CD209: variants seen among roughly 807,000 people sequenced by gnomAD.
CD209 encodes CD209 molecule.
A neutral mutation model predicts 44.7 loss-of-function variants in CD209; 31 were observed. The observed-to-expected ratio is 0.69, with a 90% CI of 0.52 to 0.94. The LOEUF is 0.94. Among genes scored for constraint, CD209 ranks in the 40% least tolerant of loss-of-function variants. The pLI is 0.00. For missense variants in CD209, 407 were observed against 452.4 expected, an observed-to-expected ratio of 0.90 and a Z score of 0.91; for synonymous variants, 173 against 181.3, an observed-to-expected ratio of 0.95 and a Z score of 0.37.
intron 4 of CD209, 150 bp from the exon 5 acceptor site, chr19:7,745,242 C>T: frequency 8.3e-7 from 1 of 1,198,650 alleles, no homozygotes; most frequent in African/African-American, 1.5e-5. Flanking sequence ...GAGACCCTCC[C>T]CCATCCCCAT....
Position 7,744,129 on chromosome 19 carries a change from C to G in CD209, c.991G>C (p.Asp331His), listed in dbSNP as rs774319424. ...LNQEGTWQWV[D>H]GSPLLPSFKQ... ...TACCTGGGCAACAGAGGTGAGCCGT[C>G]CACCCATTGCCACGTGCCTTCCTGA... is the stretch of plus-strand genomic sequence containing the variant. The change falls in exon 6 of 7, where the codon GAC (aspartate) becomes CAC (histidine). Residue 331 changes from aspartate (D) to histidine (H), a missense_variant. Physicochemically the swap from Asp to His is moderately conservative, Grantham distance 81. Transcript: ENST00000315599. 1.1e-5 allele frequency: 18 copies of G among 1,613,928 alleles called. No individual in the cohort carries two copies. The highest frequency in any genetic ancestry group is 1.4e-5 in the Non-Finnish European group (17 of 1,179,882).
chr19:7,746,570 A>C (rs772535109), intron 2 of CD209, 39 bp from the exon 3 acceptor site: 2 of 1,599,880 alleles, frequency 1.3e-6, no homozygotes, highest in African/African-American at 2.7e-5. Flanking sequence ...CAGTGTCCCC[A>C]CCGGAGCCTG....
rs1032116647 is a variant in CD209 at position 7,740,526 on chromosome 19, A to G, written c.*2513T>C. On this transcript the variant is annotated 3_prime_UTR_variant, in exon 7 of 7. Transcript: ENST00000315599. ...CAAAAAGTACAGGGCCGCCCTGAAG[A>G]AGGAGAAACGAAAGAAACGCCAGCA... The G allele has an allele frequency of 8.6e-7, 1 of 1,157,434 alleles. No homozygotes were observed. The highest frequency in any genetic ancestry group is 1.7e-5 in the Admixed American group (1 of 58,870). 71.7% of individuals were successfully genotyped at this position (1,157,434 alleles called of 1,614,324 possible). A position where few individuals can be genotyped will look rare whatever the true frequency, so the allele number is the denominator to read the frequency against.
Position 7,741,934 on chromosome 19 carries a change from G to T in CD209, c.*1105C>A. The T allele has an allele frequency of 2.4e-6, 1 of 414,804 alleles. No homozygotes were observed. The highest frequency in any genetic ancestry group is 4.8e-6 in the Non-Finnish European group (1 of 210,308). 25.7% of individuals were successfully genotyped at this position (414,804 alleles called of 1,614,324 possible). On this transcript the variant is annotated 3_prime_UTR_variant, in exon 7 of 7. Coordinates refer to ENST00000315599, the MANE Select transcript of CD209 (RefSeq NM_021155.4). ...ATGGGGAATCCGAAAGGAAAAGGAA[G>T]AAATCTCACTAGCACATGTCAAAGA... is the stretch of plus-strand genomic sequence containing the variant.
In CD209 at chr19:7,743,227, A is replaced by C. The variant is rs776327212; in HGVS notation, c.1027T>G (p.Trp343Gly). ...ACGTTGTTGGGCTCTCCTCTGTTCC[A>C]ATACTGCTTGAAGCTGCAAAGCCCA... ...SPLLPSFKQYWNRGEPNNVGE... is the reference protein window; with the variant it reads ...SPLLPSFKQYGNRGEPNNVGE... The change falls in exon 7 of 7, where the codon TGG becomes GGG. Residue 343 changes from tryptophan to glycine, a missense_variant. This residue lies in a region of CD209 where 200 missense variants were observed against 202.2 expected (regional missense o/e 0.99). Coordinates refer to ENST00000315599, the MANE Select transcript of CD209 (RefSeq NM_021155.4). 1 of 1,614,072 alleles carries C rather than the reference A, an allele frequency of 6.2e-7. No individual in the cohort carries two copies. The highest frequency in any genetic ancestry group is 8.5e-7 in the Non-Finnish European group (1 of 1,179,932).
At chr19:7,743,337 C>A (rs187192438) in intron 6 of CD209, 97 bp from the exon 7 acceptor site, 4 of 1,048,850 alleles carry the variant, frequency 3.8e-6, no homozygotes, top group African/African-American at 3.1e-5. Flanking sequence ...ATCTGCCCTG[C>A]GTGTGTATGC....
intron 5 of CD209, 119 bp downstream of exon 5, chr19:7,744,819 TCTC>T: frequency 1.5e-6 from 2 of 1,356,602 alleles, no homozygotes; most frequent in Non-Finnish European, 2.0e-6. Context: ...TTCATATCCT[TCTC>T]CTCCCTTCTT....
rs555971875 is a variant in CD209, at chr19:7,744,086, G to A, written c.1013+21C>T. ...TCACAATTCCAGCCCCAGTGGATAG[G>A]GTGCCCCTTCTGAGATCTACCTGGG... On this transcript the variant is annotated intron_variant, in intron 6 of 6. Transcript: ENST00000315599. The A allele has an allele frequency of 1.7e-4, 266 of 1,566,798 alleles. 2 individuals carry two copies. In the South Asian group the frequency reaches 2.8e-3, roughly 17 times the overall value.
chr19:7,743,064 G>C lies in CD209; in HGVS notation c.1190C>G (p.Ala397Gly). 6.2e-7 allele frequency: 1 copy of C among 1,613,640 alleles called. No individual in the cohort carries two copies. The highest frequency in any genetic ancestry group is 2.2e-5 in the East Asian group (1 of 44,876). ...CTACGCAGGAGGGGGGTTTGGGGTG[G>C]CAGGGGCTGGAGAAAGAAACTGTTC... ...DEEQFLSPAP[A>G]TPNPPPA The change falls in exon 7 of 7, where the codon GCC becomes GGC. Residue 397 changes from alanine (A) to glycine (G), a missense_variant. Around this residue, in one of 3 missense-constraint regions of CD209, gnomAD observed 200 missense variants for 202.2 expected, o/e 0.99. Coordinates refer to ENST00000315599, the MANE Select transcript of CD209 (RefSeq NM_021155.4).
chr19:7,741,954 C>A lies in CD209; in HGVS notation c.*1085G>T. 1 of 368,294 alleles carries A rather than the reference C, an allele frequency of 2.7e-6. No homozygotes were observed. Among genetic ancestry groups the A allele is most frequent in the South Asian group, 2.5e-5 (1 of 40,570 alleles). The allele number at this position is 368,294 out of a possible 1,614,324, so 22.8% of individuals were successfully genotyped here. Reference sequence around the variant, plus strand: ...AGGAAGAAATCTCACTAGCACATGTCAAAGAGCCAGGAGAGGCACAATTCA... The same window carrying A: ...AGGAAGAAATCTCACTAGCACATGTAAAAGAGCCAGGAGAGGCACAATTCA... On this transcript the variant is annotated 3_prime_UTR_variant, in exon 7 of 7. Transcript: ENST00000315599.
intron 6 of CD209, 64 bp downstream of exon 6, chr19:7,744,043 A>G: frequency 7.5e-7 from 1 of 1,332,938 alleles, no homozygotes; most frequent in Non-Finnish European, 1.1e-6. Context: ...ATCCCCAGGG[A>G]AAGTTCAAAT....
At chr19:7,746,242 G>T in intron 3 of CD209, 155 bp from the exon 4 acceptor site, 1 of 1,234,080 alleles carries the variant, frequency 8.1e-7, no homozygotes, top group Non-Finnish European at 1.1e-6. Context: ...AGGCAGCACA[G>T]AAGGCCAAGG....
At position 7,746,454 on chromosome 19, in the gene CD209, C is replaced by A; in HGVS notation, c.178+6G>T. The A allele has an allele frequency of 1.2e-6, 2 of 1,613,836 alleles. No homozygotes were observed. Among genetic ancestry groups the A allele is most frequent in the East Asian group, 2.2e-5 (1 of 44,880 alleles). ...GGACCCCAGACCCTCAGAACCTGCC[C>A]CTGACCTTGGACAAGGAGCCCAGCC... is the stretch of plus-strand genomic sequence containing the variant. On this transcript the variant is annotated splice_donor_region_variant and intron_variant, in intron 3 of 6. Coordinates refer to ENST00000315599, the MANE Select transcript of CD209 (RefSeq NM_021155.4).
Position 7,740,713 on chromosome 19 carries a change from A to G in CD209, c.*2326T>C, listed in dbSNP as rs2033582820. ...GCACAAGAAGAATTCAGAATAAAGA[A>G]GGAAAAGGAAGAGGTGGCTAGAAAA... On this transcript the variant is annotated 3_prime_UTR_variant, in exon 7 of 7. Transcript: ENST00000315599. The G allele has an allele frequency of 1.3e-6, 1 of 770,782 alleles. No homozygotes were observed. Among genetic ancestry groups the G allele is most frequent in the South Asian group, 1.4e-5 (1 of 73,822 alleles). The allele number at this position is 770,782 out of a possible 1,614,324, so 47.7% of individuals were successfully genotyped here.
rs532944619 is a variant in CD209 at position 7,741,220 on chromosome 19, C to T, written c.*1819G>A. ...GGCGCGGTGGCTCAGGCCTGTAATC[C>T]CAGCACTTTGGGAGGACGCGGCGGG... On this transcript the variant is annotated 3_prime_UTR_variant, in exon 7 of 7. Transcript: ENST00000315599. 3.2e-6 allele frequency: 2 copies of T among 630,104 alleles called. No homozygotes were observed. The highest frequency in any genetic ancestry group is 5.4e-6 in the Non-Finnish European group (2 of 373,380). 39.0% of individuals were successfully genotyped at this position (630,104 alleles called of 1,614,324 possible).
rs2033800608 is a variant in CD209 at position 7,745,915 on chromosome 19, T to C, written c.351A>G (p.Lys117=). The C allele has an allele frequency of 6.2e-7, 1 of 1,613,942 alleles. No individual in the cohort carries two copies. ...CCTGGTAGATCTCCTGCAGCTTAGA[T>C]TTCTCTGGAAGCTCACCCACTGCAG... ...LKAAVGELPE[K]SKLQEIYQEL... is the part of the protein sequence containing the mutation. The change falls in exon 4 of 7, where the codon AAA becomes AAG. Residue 117 remains lysine (K), a synonymous_variant. Transcript: ENST00000315599.
rs1422279382 is a variant in CD209 at position 7,745,527 on chromosome 19, C to A, written c.739G>T (p.Ala247Ser). The change falls in exon 4 of 7, where the codon GCT (alanine) becomes TCT (serine). Residue 247 changes from alanine (A) to serine (S), a missense_variant. Ala to Ser is a moderately conservative substitution (Grantham distance 99, BLOSUM62 1). This residue lies in a region of CD209 where 200 missense variants were observed against 202.2 expected (regional missense o/e 0.99). Transcript: ENST00000315599. Reference sequence around the variant, plus strand: ...GGTTCCAGATACTCACCCACTGCAGCCTTCAGCTGGGTCAGCTCCTGGTAG... The same window carrying A: ...GGTTCCAGATACTCACCCACTGCAGACTTCAGCTGGGTCAGCTCCTGGTAG... ...EIYQELTQLK[A>S]AVERLCHPCP... 4 of 1,612,216 alleles carry A rather than the reference C, an allele frequency of 2.5e-6. No individual in the cohort carries two copies. Among genetic ancestry groups the A allele is most frequent in the South Asian group, 1.1e-5 (1 of 90,992 alleles).
intron 5 of CD209, 40 bp downstream of exon 5, chr19:7,744,901 C>T (rs2033748550): frequency 6.2e-7 from 1 of 1,609,564 alleles, no homozygotes; most frequent in Non-Finnish European, 8.5e-7. Context: ...TGGCCAGAAG[C>T]CATGCCCTAG....
At chr19:7,746,402 G>A (rs2033824481) in intron 3 of CD209, 58 bp downstream of exon 3, 2 of 1,566,016 alleles carry the variant, frequency 1.3e-6, no homozygotes, top group Non-Finnish European at 1.8e-6. Context: ...GCCCCAGGCT[G>A]TGTCCACAGC....
Sources: allele counts gnomAD v4.1 joint callset, GRCh38; gene constraint gnomAD v4.1.1; regional missense constraint gnomAD v4.1.1; transcripts MANE v1.5; gene names NCBI Gene and HGNC (gene_info 2026-07-23, HGNC 2026-07-21).